ATP4B: variants seen among roughly 807,000 people sequenced by gnomAD.
ATP4B encodes the protein potassium-transporting ATPase subunit beta.
Under a neutral mutation model 35.3 loss-of-function variants are expected in ATP4B, and 27 were observed. The observed-to-expected ratio is 0.76, with a 90% CI of 0.56 to 1.05. ATP4B has a LOEUF of 1.05. Ranked by LOEUF, ATP4B falls within the 50% of genes least tolerant of loss-of-function variation. The pLI, the probability that ATP4B is intolerant of heterozygous loss-of-function variation, is 0.00. For missense variants in ATP4B, 375 were observed against 384.8 expected, an observed-to-expected ratio of 0.97 and a Z score of 0.21; for synonymous variants, 162 against 156.0, an observed-to-expected ratio of 1.04 and a Z score of -0.29.
intron 5 of ATP4B, among the ~76,000 whole-genome samples, chr13:113,651,313 G>A (rs1438736398): frequency 1.3e-5 from 2 of 152,232 alleles, no homozygotes; most frequent in Non-Finnish European, 2.9e-5. Flanking sequence ...TTAAACAACT[G>A]TAGCTGCTGG....
chr13:113,651,553 T>C, intron 5 of ATP4B, 118 bp downstream of exon 5: 2 of 1,205,100 alleles, frequency 1.7e-6, no homozygotes, highest in South Asian at 1.9e-5. Flanking sequence ...TCTGGTTTAC[T>C]GGGCCGACGG....
rs1379375906 is a variant in ATP4B, at chr13:113,654,848, G to A, written c.207C>T (p.Tyr69=). 1.9e-6 allele frequency: 3 copies of A among 1,614,094 alleles called. No homozygotes were observed. The highest frequency in any genetic ancestry group is 2.2e-5 in the East Asian group (1 of 44,842). The change falls in exon 2 of 7, where the codon TAC becomes TAT. Residue 69 remains tyrosine (Y), a synonymous_variant. Transcript: ENST00000335288. Reference sequence around the variant, plus strand: ...GTAGCTGGTCTTGGTAGTCCGGTGTGTACGGGTCCACTGTCTGCATCAGCA... The same window carrying A: ...GTAGCTGGTCTTGGTAGTCCGGTGTATACGGGTCCACTGTCTGCATCAGCA... ...LYVLMQTVDP[Y]TPDYQDQLRS...
chr13:113,654,877 A>G lies in ATP4B; in HGVS notation c.178T>C (p.Tyr60His), dbSNP rs748079774. Residue 60 changes from tyrosine to histidine, a missense_variant, in exon 2 of 7, where the codon TAT becomes CAT. Tyr to His is a moderately conservative substitution (Grantham distance 83). Coordinates refer to ENST00000335288, the MANE Select transcript of ATP4B (RefSeq NM_000705.4). ...GGGTCCACTGTCTGCATCAGCACAT[A>G]GAGGCACAGGGCGAAGAGCCCAGTC... ...VMTGLFALCL[Y>H]VLMQTVDPYT... 9.9e-6 allele frequency: 16 copies of G among 1,614,116 alleles called. No individual in the cohort carries two copies. The highest frequency in any genetic ancestry group is 1.4e-5 in the Non-Finnish European group (16 of 1,180,050).
rs2049692593 is a variant in ATP4B at position 113,649,206 on chromosome 13, G to C, written c.*168C>G. 5.7e-5 allele frequency: 36 copies of C among 631,202 alleles called. 3 individuals are homozygous for C. The South Asian group carries it at 8.8e-4, about 15-fold the overall frequency. 39.1% of individuals were successfully genotyped at this position (631,202 alleles called of 1,614,324 possible). A position where few individuals can be genotyped will look rare whatever the true frequency, so the allele number is the denominator to read the frequency against. ...AAGGAAGAACTGATACTCGCGAGCA[G>C]GTCCTTCAGATGTGGGCGCTTCTCT... On this transcript the variant is annotated 3_prime_UTR_variant, in exon 7 of 7. Transcript: ENST00000335288. This position sits in a 1 kb window ranked among gnomAD's most constrained non-coding sequence, Gnocchi z 4.7.
At position 113,651,747 on chromosome 13, in the gene ATP4B, G is replaced by A. The variant is rs541124613; in HGVS notation, c.556-20C>T. The A allele has an allele frequency of 6.2e-7, 1 of 1,612,490 alleles. No homozygotes were observed. The highest frequency in any genetic ancestry group is 2.2e-5 in the East Asian group (1 of 44,816). On this transcript the variant is annotated intron_variant, in intron 4 of 6. Coordinates refer to ENST00000335288, the MANE Select transcript of ATP4B (RefSeq NM_000705.4). ...GACGATCTAGAAGGGAAAAGCTTGA[G>A]CGTGGCCGCTCCCCACCCCCACCGC... is the stretch of plus-strand genomic sequence containing the variant.
chr13:113,651,825 C>A, intron 4 of ATP4B, 98 bp from the exon 5 acceptor site: 1 of 1,434,728 alleles, frequency 7.0e-7, no homozygotes, highest in Admixed American at 2.3e-5. Context: ...CCGGCCCCAG[C>A]CTGGGCTTTC....
At chr13:113,653,236 CCCG>C (rs2049727034) in intron 3 of ATP4B, 82 bp downstream of exon 3, 13 of 1,368,700 alleles carry the variant, frequency 9.5e-6, no homozygotes, top group Non-Finnish European at 1.3e-5. Context: ...ACCTCACCCA[CCCG>C]CCGCTTCACA....
Position 113,650,835 on chromosome 13 carries a change from C to T in ATP4B, c.613-328G>A, listed in dbSNP as rs1472809462. ...GGTAGCCACTGCTCAGTGGCAAGGG[C>T]TGGTTTGCCAAAACTGGGTTACAAG... On this transcript the variant is annotated intron_variant, in intron 5 of 6. Coordinates refer to ENST00000335288, the MANE Select transcript of ATP4B (RefSeq NM_000705.4). This position sits in a 1 kb window ranked among gnomAD's most constrained non-coding sequence, Gnocchi z 5.0. Among the ~76,000 whole-genome samples the T allele has an allele frequency of 6.6e-6, 1 of 152,076 alleles. No individual in the cohort carries two copies. The highest frequency in any genetic ancestry group is 1.5e-5 in the Non-Finnish European group (1 of 68,008).
At chr13:113,652,215 G>A (rs1035524989) in intron 4 of ATP4B, among the ~76,000 whole-genome samples, 48 of 152,324 alleles carry the variant, frequency 3.2e-4, no homozygotes, top group African/African-American at 1.1e-3. Context: ...GCCATGAGAC[G>A]GGCACAGTGG....
At chr13:113,651,483 C>G (rs1398853324) in intron 5 of ATP4B, among the ~76,000 whole-genome samples, 188 bp downstream of exon 5, 1 of 152,220 alleles carries the variant, frequency 6.6e-6, no homozygotes, top group Non-Finnish European at 1.5e-5. Flanking sequence ...CCCATTGTTT[C>G]CCTTGCTGGG....
intron 1 of ATP4B, among the ~76,000 whole-genome samples, chr13:113,655,632 G>A (rs377540862): frequency 1.7e-4 from 26 of 152,284 alleles, no homozygotes; most frequent in East Asian, 9.6e-4. Flanking sequence ...TGCTGTCTTC[G>A]TCTCTGTAAA....
Position 113,649,518 on chromosome 13 carries a change from G to A in ATP4B, c.732C>T (p.Pro244=), listed in dbSNP as rs1471344934. Residue 244 remains proline (P), a synonymous_variant, in exon 7 of 7, where the codon CCC becomes CCT. Coordinates refer to ENST00000335288, the MANE Select transcript of ATP4B (RefSeq NM_000705.4). This position sits in a 1 kb window ranked among gnomAD's most constrained non-coding sequence, Gnocchi z 4.7. The stretch of plus-strand genomic sequence containing the variant: ...TGTTGAGGAGCTTCGCTGCCACCAG[G>A]GGGTTGCTGTAGTGGGGCTGAAGTG... ...GKKAQPHYSN[P]LVAAKLLNIP... 6.5e-7 allele frequency: 1 copy of A among 1,536,658 alleles called. No individual in the cohort carries two copies. Among genetic ancestry groups the A allele is most frequent in the South Asian group, 1.2e-5 (1 of 82,994 alleles).
At chr13:113,656,083 C>T (rs2049752384) in intron 1 of ATP4B, among the ~76,000 whole-genome samples, 1 of 152,260 alleles carries the variant, frequency 6.6e-6, no homozygotes, top group Admixed American at 6.5e-5. Flanking sequence ...GCCACAGCAG[C>T]TTGGCTTCAG....
Position 113,658,024 on chromosome 13 carries a change from C to CA in ATP4B, c.112+8_112+9insT. On this transcript the variant is annotated intron_variant, in intron 1 of 6. Coordinates refer to ENST00000335288, the MANE Select transcript of ATP4B (RefSeq NM_000705.4). Reference sequence around the variant, plus strand: ...CCATGCACCCAGCCGGCCCGCCCCCCGCACGTACCCCACCGGGACAGGGTG... The same window carrying CA: ...CCATGCACCCAGCCGGCCCGCCCCCCAGCACGTACCCCACCGGGACAGGGTG... 6.3e-7 allele frequency: 1 copy of CA among 1,591,188 alleles called. No homozygotes were observed. Among genetic ancestry groups the CA allele is most frequent in the Non-Finnish European group, 8.5e-7 (1 of 1,170,950 alleles).
chr13:113,657,917 G>T, intron 1 of ATP4B, 116 bp downstream of exon 1: 1 of 836,784 alleles, frequency 1.2e-6, no homozygotes, highest in Non-Finnish European at 1.8e-6. Context: ...CATCCAGGCA[G>T]CATCGGGGTC....
chr13:113,657,358 C>G (rs1293153483), intron 1 of ATP4B, among the ~76,000 whole-genome samples: 1 of 152,244 alleles, frequency 6.6e-6, no homozygotes, highest in East Asian at 1.9e-4. Flanking sequence ...CAGACTCTCT[C>G]ATAAGGGGTG....
intron 1 of ATP4B, among the ~76,000 whole-genome samples, chr13:113,656,480 C>G (rs867425886): frequency 6.6e-6 from 1 of 152,178 alleles, no homozygotes; most frequent in Non-Finnish European, 1.5e-5. Flanking sequence ...GGCCCAGGCT[C>G]GGGAGGGCCA....
chr13:113,651,931 TC>T (rs1566688147), intron 4 of ATP4B, among the ~76,000 whole-genome samples: 2 of 151,594 alleles, frequency 1.3e-5, no homozygotes, highest in Non-Finnish European at 1.5e-5. Flanking sequence ...GCCACAGCCC[TC>T]CCCCCACCCA....
rs1226050905 is a variant in ATP4B, at chr13:113,658,043, C to T, written c.102G>A (p.Leu34=). The T allele has an allele frequency of 1.2e-6, 2 of 1,602,538 alleles. No individual in the cohort carries two copies. The highest frequency in any genetic ancestry group is 2.7e-5 in the African/African-American group (2 of 74,728). Residue 34 remains leucine, a synonymous_variant, in exon 1 of 7, where the codon CTG becomes CTA. Transcript: ENST00000335288. Reference sequence around the variant, plus strand: ...GCCCCCCGCACGTACCCCACCGGGACAGGGTGCGGCCCAGCATCTGCCCCG... The same window carrying T: ...GCCCCCCGCACGTACCCCACCGGGATAGGGTGCGGCCCAGCATCTGCCCCG... ...PDTGQMLGRT[L]SRWVWISLYY...
Sources: allele counts gnomAD v4.1 joint callset (sites outside exome capture counted in the v4.1 genomes callset), GRCh38; gene constraint gnomAD v4.1.1; non-coding constraint Gnocchi (gnomAD v3.1); transcripts MANE v1.5; gene names NCBI Gene and HGNC (gene_info 2026-07-23, HGNC 2026-07-21).